Variants in P4HA3 observed in about 807,000 individuals in gnomAD.
P4HA3 encodes prolyl 4-hydroxylase subunit alpha 3, also known as prolyl 4-hydroxylase subunit alpha-3.
In P4HA3, 60 loss-of-function variants were observed where a neutral mutation model predicts 66.7. The observed-to-expected ratio is 0.90, with a 90% CI of 0.73 to 1.12. The LOEUF (loss-of-function observed/expected upper bound fraction) is 1.12, where lower values mean the gene tolerates loss of function less well. Among genes scored for constraint, P4HA3 ranks in the 50% most tolerant of loss-of-function variants. P4HA3 has a pLI of 0.00. For missense variants in P4HA3, 683 were observed against 685.8 expected (o/e 1.00, Z 0.05); for synonymous variants, 263 against 274.6 (o/e 0.96, Z 0.42).
downstream of P4HA3, among the ~76,000 whole-genome samples, chr11:74,262,907 G>T (rs1268063416): frequency 6.6e-6 from 1 of 152,206 alleles, no homozygotes; most frequent in African/African-American, 2.4e-5. Flanking sequence ...ACACCCTCTT[G>T]CTTCCTCCTC....
chr11:74,275,740 G>T (rs1355199924), intron 9 of P4HA3, among the ~76,000 whole-genome samples: 4 of 152,088 alleles, frequency 2.6e-5, no homozygotes, highest in Non-Finnish European at 5.9e-5. Flanking sequence ...TAAAGCTGGG[G>T]TTCAATTTAT....
Position 74,268,140 on chromosome 11 carries a change from C to T in P4HA3, c.1564+5G>A. ...CCTTCTCATGCCCAGAAAGGCAAGA[C>T]TTACCCCACTTATCTCCCACCAGGA... On this transcript the variant is annotated splice_donor_5th_base_variant and intron_variant, in intron 12 of 12. Transcript: ENST00000331597. 1 of 1,612,926 alleles carries T rather than the reference C, an allele frequency of 6.2e-7. No individual in the cohort carries two copies. The highest frequency in any genetic ancestry group is 8.5e-7 in the Non-Finnish European group (1 of 1,178,980).
chr11:74,259,312 A>T (rs2135694771), intron 15 of P4HA3, among the ~76,000 whole-genome samples: 1 of 152,232 alleles, frequency 6.6e-6, no homozygotes, highest in East Asian at 1.9e-4. Context: ...CCAGGAGGCA[A>T]AGGTTGCAGT....
intron 4 of P4HA3, among the ~76,000 whole-genome samples, chr11:74,291,420 A>G (rs551556971): frequency 4.6e-5 from 7 of 152,212 alleles, no homozygotes; most frequent in African/African-American, 1.7e-4. Flanking sequence ...CTCTTTTCCT[A>G]ATTGAATACC....
In P4HA3 at chr11:74,289,083, G is replaced by C. The variant is rs777894903; in HGVS notation, c.765C>G (p.Leu255=). 1.3e-6 allele frequency: 2 copies of C among 1,574,976 alleles called. No individual in the cohort carries two copies. The highest frequency in any genetic ancestry group is 1.2e-5 in the South Asian group (1 of 84,192). Residue 255 remains leucine (L), a synonymous_variant, in exon 5 of 13, where the codon CTC becomes CTG. Coordinates refer to ENST00000331597, the MANE Select transcript of P4HA3 (RefSeq NM_182904.5). The part of the protein sequence containing the change: ...CALSLSREFL[L]YSPDNKRMAR... ...TATCTTTTATCCATTACGTACTGTA[G>C]AGAAGAAACTCCCGAGAGAGGCTGA...
At chr11:74,261,060 C>T (rs1025948481) in intron 14 of P4HA3, among the ~76,000 whole-genome samples, 1 of 152,146 alleles carries the variant, frequency 6.6e-6, no homozygotes, top group African/African-American at 2.4e-5. Context: ...ATAGCTTGTA[C>T]CCGCATTCAG....
chr11:74,261,343 TA>T (rs1178124042), intron 14 of P4HA3, among the ~76,000 whole-genome samples: 10 of 151,344 alleles, frequency 6.6e-5, no homozygotes, highest in Admixed American at 1.3e-4. Context: ...ATTCACAGTA[TA>T]AAAAAAAATT....
At chr11:74,259,326 T>G (rs1859872979) in intron 15 of P4HA3, among the ~76,000 whole-genome samples, 1 of 152,020 alleles carries the variant, frequency 6.6e-6, no homozygotes, top group Admixed American at 6.5e-5. Context: ...TTGCAGTGAG[T>G]GGAGATCATG....
At chr11:74,257,046 A>C (rs1283068345) in intron 15 of P4HA3, among the ~76,000 whole-genome samples, 1 of 152,192 alleles carries the variant, frequency 6.6e-6, no homozygotes, top group Non-Finnish European at 1.5e-5. Flanking sequence ...AGAAATAGTG[A>C]CCACGTTGTA....
chr11:74,272,896 C>T (rs372008545), intron 10 of P4HA3, among the ~76,000 whole-genome samples: 1 of 152,254 alleles, frequency 6.6e-6, no homozygotes. Context: ...CCCACATGAT[C>T]TGAAGGGAAG....
At chr11:74,286,969 G>T in intron 5 of P4HA3, 1 of 456,246 alleles carries the variant, frequency 2.2e-6, no homozygotes, top group Non-Finnish European at 2.9e-6. Flanking sequence ...TTCATTCTTG[G>T]CTCCACTAGA....
In P4HA3 at chr11:74,252,607, C is replaced by T. The variant is rs1167168847; in HGVS notation, c.*1319-4606G>A. 1.6e-5 allele frequency: 7 copies of T among 450,050 alleles called. No individual in the cohort carries two copies. The Middle Eastern group carries it at 2.0e-3, about 132-fold the overall frequency. 27.9% of individuals were successfully genotyped at this position (450,050 alleles called of 1,614,324 possible). A position where few individuals can be genotyped will look rare whatever the true frequency, so the allele number is the denominator to read the frequency against. ...TGACATTTTGAGGTGGATAATTCTT[C>T]ATTGTGGGGACTGTCCTGTGCATTG... On this transcript the variant is annotated intron_variant and NMD_transcript_variant, in intron 15 of 15. Coordinates refer to the P4HA3 transcript ENST00000524388.
intron 15 of P4HA3, chr11:74,253,514 C>T (rs774750922): frequency 3.1e-6 from 5 of 1,607,596 alleles, no homozygotes; most frequent in East Asian, 4.5e-5. Flanking sequence ...CTGTTAGTGA[C>T]CTGCTGTCCA....
intron 15 of P4HA3, among the ~76,000 whole-genome samples, chr11:74,259,199 C>T (rs1400212970): frequency 2.0e-5 from 3 of 152,060 alleles, no homozygotes; most frequent in Admixed American, 6.5e-5. Flanking sequence ...GCCAACATGG[C>T]GAAACCCCGT....
chr11:74,288,842 G>A (rs959308910), intron 5 of P4HA3, among the ~76,000 whole-genome samples: 7 of 151,374 alleles, frequency 4.6e-5, no homozygotes, highest in Admixed American at 2.0e-4. Context: ...CCAGCTACTC[G>A]GGAGGCTGAG....
intron 8 of P4HA3, 76 bp from the exon 9 acceptor site, chr11:74,277,220 T>A (rs1334024915): frequency 6.7e-7 from 1 of 1,489,252 alleles, no homozygotes; most frequent in Non-Finnish European, 9.1e-7. Context: ...AATGAATGAA[T>A]AAACAAATGA....
intron 7 of P4HA3, among the ~76,000 whole-genome samples, chr11:74,282,552 G>A (rs2134755401): frequency 6.6e-6 from 1 of 152,292 alleles, no homozygotes; most frequent in East Asian, 1.9e-4. Context: ...TGTGGTAGAA[G>A]GGGTTGGCAG....
intron 15 of P4HA3, among the ~76,000 whole-genome samples, chr11:74,252,249 T>TG (rs1479021340): frequency 2.0e-5 from 3 of 147,338 alleles, no homozygotes; most frequent in Admixed American, 6.6e-5. Context: ...GTTTTTTTTT[T>TG]TGTTTTTTTT....
chr11:74,251,392 C>G, intron 15 of P4HA3: 1 of 1,367,434 alleles, frequency 7.3e-7, no homozygotes, highest in Admixed American at 3.2e-5. Flanking sequence ...AAACACCATT[C>G]TGTAACTCTG....
Sources: gnomAD v4.1 joint callset for allele counts (sites outside exome capture counted in the v4.1 genomes callset) on GRCh38, gnomAD v4.1.1 for gene constraint, MANE v1.5 for transcripts, NCBI Gene and HGNC (gene_info 2026-07-23, HGNC 2026-07-21) for gene names.